Variants in FRMD4A observed in about 807,000 individuals in gnomAD.
FRMD4A encodes the protein FERM domain containing 4A, also known as FERM domain-containing protein 4A.
Under a neutral mutation model 129.1 loss-of-function variants are expected in FRMD4A, and 29 were observed. The ratio of observed to expected loss-of-function variants is 0.22; its 90% CI spans 0.17 to 0.31. FRMD4A has a LOEUF of 0.31. Among genes scored for constraint, FRMD4A ranks in the 10% least tolerant of loss-of-function variants. FRMD4A has a pLI of 1.00. For missense variants in FRMD4A, 1,272 were observed against 1,375.8 expected (o/e 0.92, Z 1.19); for synonymous variants, 634 against 571.6 (o/e 1.11, Z -1.56).
At chr10:14,166,752 C>T (rs1397800379) in intron 2 of FRMD4A, among the ~76,000 whole-genome samples, 2 of 152,218 alleles carry the variant, frequency 1.3e-5, no homozygotes, top group Non-Finnish European at 2.9e-5. Context: ...AAATATTCTG[C>T]CTGATTGCCT....
intron 2 of FRMD4A, among the ~76,000 whole-genome samples, chr10:14,228,478 G>C (rs147426311): frequency 1.6e-4 from 24 of 152,312 alleles, no homozygotes; most frequent in Non-Finnish European, 3.2e-4. Context: ...AATTTTGTAG[G>C]TGAAAATAGT....
chr10:13,927,993 A>G lies in FRMD4A; in HGVS notation c.46-69081T>C, dbSNP rs577081023. 2.0e-5 allele frequency among the ~76,000 whole-genome samples: 3 copies of G among 150,764 alleles called. No individual in the cohort carries two copies. In the East Asian group the frequency reaches 5.9e-4, roughly 30 times the overall value. ...AAAAGAGAAATTCAGCTGGGAGGAA[A>G]AGGATAGTTATACTTAACATACCTT... On this transcript the variant is annotated intron_variant, in intron 2 of 24. Transcript: ENST00000357447.
At chr10:13,759,998 A>G (rs2092008021) in intron 8 of FRMD4A, among the ~76,000 whole-genome samples, 1 of 151,982 alleles carries the variant, frequency 6.6e-6, no homozygotes, top group Admixed American at 6.6e-5. Context: ...TTACCCATGA[A>G]CTAAGGATGG....
chr10:13,792,260 G>T (rs1392948623), intron 5 of FRMD4A, among the ~76,000 whole-genome samples: 1 of 152,188 alleles, frequency 6.6e-6, no homozygotes, highest in Non-Finnish European at 1.5e-5. Flanking sequence ...ACATGGCCAA[G>T]CGTGGGTCAC....
intron 2 of FRMD4A, among the ~76,000 whole-genome samples, chr10:14,207,015 G>A (rs763567969): frequency 2.0e-5 from 3 of 151,892 alleles, no homozygotes; most frequent in East Asian, 1.9e-4. Flanking sequence ...GCTGGCCTAC[G>A]AAGACTTCTG....
chr10:13,921,597 G>A (rs2095074169), intron 2 of FRMD4A, among the ~76,000 whole-genome samples: 1 of 152,112 alleles, frequency 6.6e-6, no homozygotes, highest in Admixed American at 6.5e-5. Flanking sequence ...TACCATTCAT[G>A]AGGGCTCAGC....
chr10:13,822,953 G>T (rs1008214856), intron 3 of FRMD4A, among the ~76,000 whole-genome samples: 2 of 152,046 alleles, frequency 1.3e-5, no homozygotes, highest in African/African-American at 4.8e-5. Context: ...TGGGAGCAAT[G>T]CTTTTAGTCT....
At chr10:13,850,857 G>T (rs999891848) in intron 3 of FRMD4A, among the ~76,000 whole-genome samples, 5 of 152,160 alleles carry the variant, frequency 3.3e-5, no homozygotes, top group East Asian at 1.9e-4. Context: ...ATTTCTGTTT[G>T]CTTGGCACCT....
At chr10:14,258,120 A>G (rs1270801384) in intron 2 of FRMD4A, among the ~76,000 whole-genome samples, 1 of 152,092 alleles carries the variant, frequency 6.6e-6, no homozygotes, top group Non-Finnish European at 1.5e-5. Flanking sequence ...TTGGGTTTGG[A>G]AAAGATTTCT....
intron 2 of FRMD4A, among the ~76,000 whole-genome samples, chr10:14,313,581 A>C (rs1236281866): frequency 1.3e-5 from 2 of 152,084 alleles, no homozygotes; most frequent in Admixed American, 1.3e-4. Flanking sequence ...TTTCTTTTTG[A>C]TCATTAGATT....
At chr10:13,722,433 C>T (rs1350962651) in intron 12 of FRMD4A, among the ~76,000 whole-genome samples, 5 of 147,548 alleles carry the variant, frequency 3.4e-5, no homozygotes, top group Admixed American at 6.8e-5. Flanking sequence ...TTTGTAGAGT[C>T]GAGGGTCTCT....
In FRMD4A at chr10:13,695,148, A is replaced by T. The variant is rs535488817; in HGVS notation, c.976-1109T>A. ...AAAAGCAGCGGTTTTTCAAAAAAAAATTTTTTTTTTTTTTGAGACAGAGTC... is the reference window on the plus strand; with the variant it reads ...AAAAGCAGCGGTTTTTCAAAAAAAATTTTTTTTTTTTTTTGAGACAGAGTC... On this transcript the variant is annotated intron_variant, in intron 14 of 24. Transcript: ENST00000357447. 6.6e-4 allele frequency among the ~76,000 whole-genome samples: 97 copies of T among 147,418 alleles called. 3 individuals carry two copies. In the South Asian group the frequency reaches 0.017, roughly 26 times the overall value.
chr10:13,918,913 G>GC (rs112629437), intron 2 of FRMD4A, among the ~76,000 whole-genome samples: 3 of 151,332 alleles, frequency 2.0e-5, no homozygotes, highest in Non-Finnish European at 4.4e-5. Context: ...AATGACAAAT[G>GC]CCCCCCTAAT....
chr10:14,078,883 T>G (rs1835765126), intron 2 of FRMD4A, among the ~76,000 whole-genome samples: 3 of 152,196 alleles, frequency 2.0e-5, no homozygotes, highest in Admixed American at 2.0e-4. Context: ...CTTCCGGCTG[T>G]GTGATGCTTG....
intron 2 of FRMD4A, among the ~76,000 whole-genome samples, chr10:13,967,206 G>A (rs1251039015): frequency 6.6e-6 from 1 of 152,172 alleles, no homozygotes; most frequent in African/African-American, 2.4e-5. Context: ...GCTTGGTGGC[G>A]GGCGCCTGTA....
intron 2 of FRMD4A, among the ~76,000 whole-genome samples, chr10:13,991,230 G>A (rs550204240): frequency 6.6e-5 from 10 of 152,316 alleles, no homozygotes; most frequent in African/African-American, 2.2e-4. Flanking sequence ...AAAAAGAAGC[G>A]TAGAGTGAAA....
intron 2 of FRMD4A, 67 bp from the exon 3 acceptor site, chr10:13,858,979 G>A (rs1219650625): frequency 8.6e-6 from 8 of 928,464 alleles, no homozygotes; most frequent in South Asian, 2.6e-5. Context: ...GAGGGTCGCC[G>A]ACGCTGCACT....
chr10:13,921,866 A>C (rs141459625), intron 2 of FRMD4A, among the ~76,000 whole-genome samples: 219 of 152,356 alleles, frequency 1.4e-3, no homozygotes, highest in African/African-American at 5.0e-3. Context: ...TAGAAATGTT[A>C]TATGGTGACT....
chr10:14,189,175 G>A (rs1177763744), intron 2 of FRMD4A, among the ~76,000 whole-genome samples: 1 of 152,176 alleles, frequency 6.6e-6, no homozygotes, highest in East Asian at 1.9e-4. Flanking sequence ...TTGCTACGAT[G>A]TCACCCTTAG....
Sources: gnomAD v4.1 joint callset for allele counts (sites outside exome capture counted in the v4.1 genomes callset) on GRCh38, gnomAD v4.1.1 for gene constraint, MANE v1.5 for transcripts, NCBI Gene and HGNC (gene_info 2026-07-23, HGNC 2026-07-21) for gene names.